SBF2: variants seen among roughly 807,000 people sequenced by gnomAD.
SBF2 encodes myotubularin-related protein 13.
SBF2 carries 112 observed loss-of-function variants against 225.2 expected under a neutral mutation model. The ratio of observed to expected loss-of-function variants is 0.50; its 90% CI spans 0.43 to 0.58. The LOEUF is 0.58. SBF2 is among the 20% of genes least tolerant of loss of function. The probability of loss-of-function intolerance (pLI) is 0.00; values close to 1 mark genes in which losing one functional copy is unlikely to be tolerated. For synonymous variants in SBF2, 763 were observed against 773.3 expected (o/e 0.99, Z 0.22); for missense variants, 1,996 against 2,206.2 (o/e 0.90, Z 1.91).
At chr11:9,787,507 T>TC in intron 36 of SBF2, 127 bp downstream of exon 36, 1 of 764,392 alleles carries the variant, frequency 1.3e-6, no homozygotes, top group Non-Finnish European at 2.3e-6. Context: ...ACATGACCCC[T>TC]CCCCTTTCCA....
intron 26 of SBF2, among the ~76,000 whole-genome samples, chr11:9,834,095 T>A (rs1855589371): frequency 6.6e-6 from 1 of 150,840 alleles, no homozygotes. Flanking sequence ...TTATTTTATT[T>A]TTTATTTATT....
chr11:9,932,755 G>T (rs1208811742), intron 16 of SBF2, among the ~76,000 whole-genome samples: 1 of 152,008 alleles, frequency 6.6e-6, no homozygotes, highest in Non-Finnish European at 1.5e-5. Flanking sequence ...GCATCATAAT[G>T]ATAGGATCAA....
intron 8 of SBF2, among the ~76,000 whole-genome samples, chr11:9,999,041 C>G (rs1565113615): frequency 6.6e-6 from 1 of 151,904 alleles, no homozygotes; most frequent in Admixed American, 6.6e-5. Context: ...GCTGTTTAGC[C>G]ACTTAGAAAA....
At chr11:10,229,510 T>C (rs1270513857) in intron 1 of SBF2, among the ~76,000 whole-genome samples, 1 of 152,226 alleles carries the variant, frequency 6.6e-6, no homozygotes, top group African/African-American at 2.4e-5. Flanking sequence ...TCTGGTACGT[T>C]GTGTCTTCGT....
chr11:9,877,793 T>C (rs554574251), intron 17 of SBF2, among the ~76,000 whole-genome samples: 1 of 152,318 alleles, frequency 6.6e-6, no homozygotes, highest in South Asian at 2.1e-4. Flanking sequence ...ATCCAACCTA[T>C]CATTGATGGA....
At chr11:10,228,780 T>C (rs1958690200) in intron 1 of SBF2, among the ~76,000 whole-genome samples, 1 of 152,172 alleles carries the variant, frequency 6.6e-6, no homozygotes, top group Non-Finnish European at 1.5e-5. Context: ...TCTAAAATTC[T>C]TTTTTGTTGT....
At chr11:10,133,163 A>G (rs1954157971) in intron 2 of SBF2, among the ~76,000 whole-genome samples, 1 of 149,440 alleles carries the variant, frequency 6.7e-6, no homozygotes, top group African/African-American at 2.5e-5. Flanking sequence ...CAGGGTGCTG[A>G]TTGGTGTATT....
intron 17 of SBF2, among the ~76,000 whole-genome samples, chr11:9,873,081 C>T (rs1005594658): frequency 6.6e-6 from 1 of 151,796 alleles, no homozygotes; most frequent in Non-Finnish European, 1.5e-5. Flanking sequence ...TGGCACACAC[C>T]TGTAGTCCCA....
chr11:9,791,646 C>T (rs79612868), intron 33 of SBF2, among the ~76,000 whole-genome samples: 204 of 152,222 alleles, frequency 1.3e-3, no homozygotes, highest in African/African-American at 4.5e-3. Context: ...GGGGATGGCC[C>T]GAGATATTAG....
intron 2 of SBF2, among the ~76,000 whole-genome samples, chr11:10,094,988 G>T (rs1246235402): frequency 6.6e-6 from 1 of 151,630 alleles, no homozygotes; most frequent in East Asian, 1.9e-4. Flanking sequence ...AAAGAAAAAA[G>T]GAACCATCGA....
chr11:10,181,325 T>G (rs1233592228), intron 2 of SBF2, among the ~76,000 whole-genome samples: 2 of 152,070 alleles, frequency 1.3e-5, no homozygotes, highest in Non-Finnish European at 2.9e-5. Flanking sequence ...AGATTTCAAT[T>G]TCTAATTTTT....
intron 1 of SBF2, among the ~76,000 whole-genome samples, chr11:10,260,528 A>AAC (rs1411593522): frequency 7.2e-5 from 11 of 152,134 alleles, no homozygotes; most frequent in Admixed American, 2.0e-4. Flanking sequence ...CATCCTGGCT[A>AAC]ACAGGATGAA....
At chr11:10,108,649 C>T (rs1048773769) in intron 2 of SBF2, among the ~76,000 whole-genome samples, 24 of 150,980 alleles carry the variant, frequency 1.6e-4, no homozygotes, top group African/African-American at 3.6e-4. Flanking sequence ...CTCAGCCTCC[C>T]GAGTAGCTGG....
intron 31 of SBF2, chr11:9,808,422 C>T: frequency 1.8e-6 from 1 of 562,330 alleles, no homozygotes; most frequent in African/African-American, 1.9e-5. Context: ...GACTTTAATC[C>T]TTAACTGGCC....
intron 3 of SBF2, among the ~76,000 whole-genome samples, chr11:10,040,631 T>C (rs541985766): frequency 6.6e-6 from 1 of 152,096 alleles, no homozygotes; most frequent in East Asian, 1.9e-4. Context: ...ATATGGATAG[T>C]AGGTTTTATT....
chr11:10,272,194 G>T lies in SBF2; in HGVS notation c.55+21821C>A. On this transcript the variant is annotated intron_variant, in intron 1 of 39. Coordinates refer to ENST00000256190, the MANE Select transcript of SBF2 (RefSeq NM_030962.4). ...CCTGAGAGACCTTGATCCTCTCCAC[G>T]CCAGCCTCCAACTTGAGCTGCTCTA... is the stretch of plus-strand genomic sequence containing the variant. The T allele has an allele frequency of 4.6e-6, 5 of 1,081,888 alleles. 2 individuals are homozygous for T. The highest frequency in any genetic ancestry group is 3.9e-5 in the African/African-American group (2 of 51,598). The allele number at this position is 1,081,888 out of a possible 1,614,324, so 67.0% of individuals were successfully genotyped here.
At chr11:10,014,910 G>C (rs1280684297) in intron 6 of SBF2, among the ~76,000 whole-genome samples, 1 of 151,910 alleles carries the variant, frequency 6.6e-6, no homozygotes, top group African/African-American at 2.4e-5. Context: ...TAGGTAGATC[G>C]CTTGAGCCCA....
intron 2 of SBF2, among the ~76,000 whole-genome samples, chr11:10,176,988 C>T (rs1463680167): frequency 1.3e-5 from 2 of 152,050 alleles, no homozygotes; most frequent in East Asian, 3.9e-4. Context: ...AAAAGCTTAT[C>T]CACCATGATC....
At chr11:9,953,179 C>T (rs1865959707) in intron 16 of SBF2, among the ~76,000 whole-genome samples, 1 of 152,220 alleles carries the variant, frequency 6.6e-6, no homozygotes, top group South Asian at 2.1e-4. Context: ...GGCACAGTGG[C>T]TTATGCCTGT....
Sources: allele counts gnomAD v4.1 joint callset (sites outside exome capture counted in the v4.1 genomes callset), GRCh38; gene constraint gnomAD v4.1.1; transcripts MANE v1.5; gene names NCBI Gene and HGNC (gene_info 2026-07-23, HGNC 2026-07-21).